Variants in INSL3 observed in about 807,000 individuals in gnomAD.
INSL3 encodes the protein insulin-like 3.
Under a neutral mutation model 5.5 loss-of-function variants are expected in INSL3, and 6 were observed. The ratio of observed to expected loss-of-function variants is 1.08; its 90% CI spans 0.59 to 2.14. The LOEUF (loss-of-function observed/expected upper bound fraction) is 2.14. INSL3 is among the 30% of genes most tolerant of loss of function. The pLI, the probability that INSL3 is intolerant of heterozygous loss-of-function variation, is 0.00. For synonymous variants in INSL3, 86 were observed against 82.1 expected (o/e 1.05, Z -0.26); for missense variants, 178 against 184.7 (o/e 0.96, Z 0.21).
Position 17,816,567 on chromosome 19 carries a change from A to G in INSL3, c.*287T>C. ...CAGCAAGAAGGGGTGTTACACATGC[A>G]GGGAGCGGAGCGTCTGGGGCTCCCC... On this transcript the variant is annotated 3_prime_UTR_variant, in exon 2 of 2. Transcript: ENST00000317306. The G allele has an allele frequency of 2.0e-6, 1 of 502,078 alleles. No individual in the cohort carries two copies. The highest frequency in any genetic ancestry group is 3.6e-6 in the Non-Finnish European group (1 of 274,648). 31.1% of individuals were successfully genotyped at this position (502,078 alleles called of 1,614,324 possible).
chr19:17,821,041 G>C (rs965832386), intron 1 of INSL3, among the ~76,000 whole-genome samples: 1 of 151,910 alleles, frequency 6.6e-6, no homozygotes, highest in African/African-American at 2.4e-5. Context: ...GGCTGGTCTC[G>C]AACTCCTGAC....
In INSL3 at chr19:17,821,209, G is replaced by A. The variant is rs893812791; in HGVS notation, c.190+108C>T. On this transcript the variant is annotated intron_variant, in intron 1 of 1. Transcript: ENST00000317306. ...CACGCAGCCGGCAGGTGAGCCCTGG[G>A]CACATGCATGCAAACCTGCCCACCT... is the stretch of plus-strand genomic sequence containing the variant. 7.8e-6 allele frequency: 10 copies of A among 1,279,036 alleles called. No homozygotes were observed. In the Admixed American group the frequency reaches 9.9e-5, roughly 13 times the overall value. The allele number at this position is 1,279,036 out of a possible 1,614,324, so 79.2% of individuals were successfully genotyped here.
rs530354539 is a variant in INSL3 at position 17,820,066 on chromosome 19, G to A, written c.190+1251C>T. On this transcript the variant is annotated intron_variant, in intron 1 of 1. Coordinates refer to ENST00000317306, the MANE Select transcript of INSL3 (RefSeq NM_005543.4). ...GCGGAGGTTGCAGTGAGCTGAGATC[G>A]TGCCACTGCACTTCAGCCCGGGTGA... is the stretch of plus-strand genomic sequence containing the variant. 7.3e-5 allele frequency among the ~76,000 whole-genome samples: 11 copies of A among 150,836 alleles called. No individual in the cohort carries two copies. The East Asian group carries it at 1.8e-3, about 24-fold the overall frequency.
rs146429759 is a variant in INSL3, at chr19:17,820,852, C to T, written c.190+465G>A. Among the ~76,000 whole-genome samples the T allele has an allele frequency of 8.3e-4, 122 of 147,712 alleles. 1 individual carries two copies. The East Asian group carries it at 0.021, about 26-fold the overall frequency. Reference sequence around the variant, plus strand: ...TTTTTGAGACGGAGTTTCACTCTGTCGCCCAGGCTGGAGTGCAATGGCATG... The same window carrying T: ...TTTTTGAGACGGAGTTTCACTCTGTTGCCCAGGCTGGAGTGCAATGGCATG... On this transcript the variant is annotated intron_variant, in intron 1 of 1. Coordinates refer to ENST00000317306, the MANE Select transcript of INSL3 (RefSeq NM_005543.4).
rs2094188426 is a variant in INSL3, at chr19:17,816,856, A to G, written c.394T>C (p.Ter132ArgextTer11). 1 of 1,613,234 alleles carries G rather than the reference A, an allele frequency of 6.2e-7. No homozygotes were observed. The highest frequency in any genetic ancestry group is 8.5e-7 in the Non-Finnish European group (1 of 1,179,986). Reference protein sequence around the residue: ...QQDLLTLCPY* With the variant: ...QQDLLTLCPYR Reference sequence around the variant, plus strand: ...CTGAGGCTGCACCCAAGGAGGAATCAGTAGGGACAGAGGGTCAGCAGGTCT... The same window carrying G: ...CTGAGGCTGCACCCAAGGAGGAATCGGTAGGGACAGAGGGTCAGCAGGTCT... The change falls in exon 2 of 2, where the codon TGA (stop) becomes CGA (arginine). Residue 132 changes from the stop codon to arginine, a stop_lost. Coordinates refer to ENST00000317306, the MANE Select transcript of INSL3 (RefSeq NM_005543.4).
chr19:17,821,357 GC>G lies in INSL3; in HGVS notation c.149del (p.Arg50ProfsTer77), dbSNP rs1194840310. 1.3e-6 allele frequency: 2 copies of G among 1,548,920 alleles called. No individual in the cohort carries two copies. The highest frequency in any genetic ancestry group is 2.4e-5 in the East Asian group (1 of 40,914). On this transcript the variant is annotated frameshift_variant, in exon 1 of 2. Coordinates refer to ENST00000317306, the MANE Select transcript of INSL3 (RefSeq NM_005543.4). LOFTEE classifies it low-confidence loss of function (END_TRUNC). ...RALVRVCGGP[R>X]WSTEARRPAT... ...CAGGCCTCCTGGCTTCGGTGGACCA[GC>G]GGGGGCCCCCGCACACGCGCACTAG...
At position 17,816,898 on chromosome 19, in the gene INSL3, T is replaced by A; in HGVS notation, c.352A>T (p.Ser118Cys). 1 of 1,614,046 alleles carries A rather than the reference T, an allele frequency of 6.2e-7. No individual in the cohort carries two copies. The highest frequency in any genetic ancestry group is 8.5e-7 in the Non-Finnish European group (1 of 1,180,034). The change falls in exon 2 of 2, where the codon AGT becomes TGT. Residue 118 changes from serine to cysteine, a missense_variant. Physicochemically the swap from Ser to Cys is moderately radical, Grantham distance 112. Transcript: ENST00000317306. ...AGCAGGTCTTGTTGGGTACAGCCAC[T>A]GAGGCAGCAGTAGCGTGCAGGGTTG... ...ATNPARYCCL[S>C]GCTQQDLLTL... is the part of the protein sequence containing the mutation.
intron 1 of INSL3, 126 bp from the exon 2 acceptor site, chr19:17,817,185 A>C: frequency 1.0e-6 from 1 of 972,984 alleles, no homozygotes; most frequent in Non-Finnish European, 1.6e-6. Context: ...TGCAGATAAA[A>C]AGTGAGCACT....
At position 17,819,001 on chromosome 19, in the gene INSL3, A is replaced by T. The variant is rs148167373; in HGVS notation, c.191-1942T>A. 6.6e-5 allele frequency among the ~76,000 whole-genome samples: 10 copies of T among 151,102 alleles called. No homozygotes were observed. In the East Asian group the frequency reaches 1.8e-3, roughly 27 times the overall value. On this transcript the variant is annotated intron_variant, in intron 1 of 1. Transcript: ENST00000317306. ...GTGATTCTCCTGCCTCAGCCTCCTG[A>T]GTAGCTGAGACTACAGGTGTGCGCC...
intron 1 of INSL3, chr19:17,820,517 G>A (rs757122260): frequency 1.6e-4 from 40 of 248,810 alleles, no homozygotes; most frequent in Non-Finnish European, 5.5e-5. Context: ...AAAATTAGCT[G>A]GGTGTGGTGG....
chr19:17,820,448 A>G (rs1379922970), intron 1 of INSL3: 1 of 356,082 alleles, frequency 2.8e-6, no homozygotes, highest in Non-Finnish European at 5.3e-6. Flanking sequence ...ACTTGAGCTC[A>G]GGAGTTTGAG....
Position 17,821,490 on chromosome 19 carries a change from G to T in INSL3, c.17C>A (p.Pro6His). Residue 6 changes from proline (P) to histidine (H), a missense_variant, in exon 1 of 2, where the codon CCC becomes CAC. By Grantham distance (77) the Pro-to-His change is moderately conservative. Coordinates refer to ENST00000317306, the MANE Select transcript of INSL3 (RefSeq NM_005543.4). The part of the protein sequence containing the change: MDPRL[P>H]AWALVLLGPA... ...GCCCAGCAGCACCAGCGCCCAGGCG[G>T]GCAGACGGGGGTCCATGGTGGTGGG... The T allele has an allele frequency of 6.7e-7, 1 of 1,497,126 alleles. No individual in the cohort carries two copies. The highest frequency in any genetic ancestry group is 8.9e-7 in the Non-Finnish European group (1 of 1,119,202). The allele number at this position is 1,497,126 out of a possible 1,614,324, so 92.7% of individuals were successfully genotyped here.
chr19:17,821,193 G>A (rs1026432633), intron 1 of INSL3, 124 bp downstream of exon 1: 7 of 1,136,324 alleles, frequency 6.2e-6, no homozygotes, highest in African/African-American at 1.5e-5. Context: ...GCACGCAGCC[G>A]GCAGGTGAGC....
At chr19:17,818,365 C>T (rs2094190889) in intron 1 of INSL3, among the ~76,000 whole-genome samples, 1 of 152,168 alleles carries the variant, frequency 6.6e-6, no homozygotes, top group Non-Finnish European at 1.5e-5. Context: ...CCTGTCATCC[C>T]AGCATTTTGG....
In INSL3 at chr19:17,821,163, A is replaced by G. The variant is rs528647673; in HGVS notation, c.190+154T>C. Among the ~76,000 whole-genome samples, 396 of 152,158 alleles carry G rather than the reference A, an allele frequency of 2.6e-3. 9 individuals carry two copies. The highest frequency in any genetic ancestry group is 0.024 in the Admixed American group (365 of 15,280). On this transcript the variant is annotated intron_variant, in intron 1 of 1. Coordinates refer to ENST00000317306, the MANE Select transcript of INSL3 (RefSeq NM_005543.4). ...TCACACGCGCGTTCACACACACTCC[A>G]GTGCGGACCCACGATCTGTGCACGC...
chr19:17,821,198 G>C, intron 1 of INSL3, 119 bp downstream of exon 1: 1 of 1,198,354 alleles, frequency 8.3e-7, no homozygotes, highest in Non-Finnish European at 1.2e-6. Flanking sequence ...CAGCCGGCAG[G>C]TGAGCCCTGG....
rs751299877 is a variant in INSL3 at position 17,821,362 on chromosome 19, G to A, written c.145C>T (p.Pro49Ser). The change falls in exon 1 of 2, where the codon CCC (proline) becomes TCC (serine). Residue 49 changes from proline (P) to serine (S), a missense_variant. Transcript: ENST00000317306. The part of the protein sequence containing the change: ...VRALVRVCGG[P>S]RWSTEARRPA... ...CTCCTGGCTTCGGTGGACCAGCGGGGGCCCCCGCACACGCGCACTAGCGCG... is the reference window on the plus strand; with the variant it reads ...CTCCTGGCTTCGGTGGACCAGCGGGAGCCCCCGCACACGCGCACTAGCGCG... 1.7e-4 allele frequency: 261 copies of A among 1,548,776 alleles called. No individual in the cohort carries two copies. Among genetic ancestry groups the A allele is most frequent in the Non-Finnish European group, 2.2e-4 (247 of 1,146,596 alleles).
intron 1 of INSL3, chr19:17,820,249 A>G (rs766058904): frequency 1.2e-5 from 3 of 249,090 alleles, no homozygotes; most frequent in Non-Finnish European, 2.3e-5. Context: ...ACGTCACAGC[A>G]CTCTGGTTTG....
chr19:17,820,455 T>C, intron 1 of INSL3: 1 of 349,986 alleles, frequency 2.9e-6, no homozygotes, highest in African/African-American at 2.3e-5. Flanking sequence ...CTCAGGAGTT[T>C]GAGACCAGCC....
Sources: allele counts gnomAD v4.1 joint callset (sites outside exome capture counted in the v4.1 genomes callset), GRCh38; gene constraint gnomAD v4.1.1; transcripts MANE v1.5; gene names NCBI Gene and HGNC (gene_info 2026-07-23, HGNC 2026-07-21).